The following FASN variants were observed in gnomAD, a reference collection of about 807,000 sequenced individuals.
FASN encodes the protein 3-hydroxyacyl-[acyl-carrier-protein] dehydratase.
Under a neutral mutation model 250.0 loss-of-function variants are expected in FASN, and 50 were observed. That is an observed-to-expected ratio of 0.20 (90% confidence interval 0.16 to 0.25). The LOEUF is 0.25. Among genes scored for constraint, FASN ranks in the 10% least tolerant of loss-of-function variants. The pLI is 1.00. For missense variants in FASN, 3,031 were observed against 3,498.5 expected (o/e 0.87, Z 3.37); for synonymous variants, 1,909 against 1,584.0 (o/e 1.21, Z -4.87).
intron 21 of FASN, among the ~76,000 whole-genome samples, chr17:82,086,832 T>C (rs979150743): frequency 6.7e-6 from 1 of 148,496 alleles, no homozygotes; most frequent in African/African-American, 2.5e-5. Context: ...TGCCCCCAAG[T>C]ACCCTTTCAA....
chr17:82,082,029 C>A lies in FASN; in HGVS notation c.6143G>T (p.Arg2048Leu). 6.2e-7 allele frequency: 1 copy of A among 1,609,598 alleles called. No homozygotes were observed. Reference sequence around the variant, plus strand: ...CCCACCTGGGAGGCCTTCGTGCCGGCGTTTCTCACAGATACGCTCCATGGC... The same window carrying A: ...CCCACCTGGGAGGCCTTCGTGCCGGAGTTTCTCACAGATACGCTCCATGGC... ...NSAMERICEK[R>L]RHEGLPGLAV... is the part of the protein sequence containing the mutation. Residue 2048 changes from arginine to leucine, a missense_variant, in exon 36 of 43, where the codon CGC becomes CTC. Transcript: ENST00000306749.
intron 33 of FASN, 48 bp downstream of exon 33, chr17:82,082,866 G>A: frequency 3.7e-6 from 6 of 1,604,164 alleles, no homozygotes; most frequent in South Asian, 1.1e-5. Context: ...CAGGGGCCCG[G>A]GGCTGTGCCT....
At position 82,081,721 on chromosome 17, in the gene FASN, C is replaced by T. The variant is rs1274886343; in HGVS notation, c.6286G>A (p.Asp2096Asn). The change falls in exon 37 of 43, where the codon GAC becomes AAC. Residue 2096 changes from aspartate (D) to asparagine (N), a missense_variant. Physicochemically the swap from Asp to Asn is conservative, Grantham distance 23. Coordinates refer to ENST00000306749, the MANE Select transcript of FASN (RefSeq NM_004104.5). ...QRMASCLEVL[D>N]LFLNQPHMVL... is the part of the protein sequence containing the mutation. ...ATGTGGGGCTGGTTCAGGAAGAGGT[C>T]CAGCACCTCCAGGCAGGACGCCATG... 2 of 1,612,722 alleles carry T rather than the reference C, an allele frequency of 1.2e-6. No homozygotes were observed. Among genetic ancestry groups the T allele is most frequent in the Non-Finnish European group, 1.7e-6 (2 of 1,180,006 alleles).
rs774722489 is a variant in FASN at position 82,085,128 on chromosome 17, C to A, written c.4316G>T (p.Arg1439Leu). 6.2e-7 allele frequency: 1 copy of A among 1,611,254 alleles called. No individual in the cohort carries two copies. Among genetic ancestry groups the A allele is most frequent in the Non-Finnish European group, 8.5e-7 (1 of 1,179,132 alleles). Residue 1439 changes from arginine (R) to leucine (L), a missense_variant, in exon 25 of 43, where the codon CGG becomes CTG. Arg to Leu is a moderately radical substitution (Grantham distance 102). Transcript: ENST00000306749. ...GTTGATGGCCTTCAGCCACACAGGC[C>A]GGGAAGAGTCTTCGTCAGCCAGGAT... is the stretch of plus-strand genomic sequence containing the variant. ...KGILADEDSS[R>L]PVWLKAINCA...
At chr17:82,097,930 C>T (rs2034332065) in intron 1 of FASN, among the ~76,000 whole-genome samples, 191 bp downstream of exon 1, 1 of 152,076 alleles carries the variant, frequency 6.6e-6, no homozygotes, top group Admixed American at 6.6e-5. Context: ...CCACCTACTC[C>T]GCGGGGCCCC....
chr17:82,088,428 T>C lies in FASN; in HGVS notation c.2555A>G (p.Asn852Ser), dbSNP rs540009159. Residue 852 changes from asparagine (N) to serine (S), a missense_variant, in exon 16 of 43, where the codon AAC (asparagine) becomes AGC (serine). Physicochemically the swap from Asn to Ser is conservative, Grantham distance 46 (BLOSUM62 1). Coordinates refer to ENST00000306749, the MANE Select transcript of FASN (RefSeq NM_004104.5). ...WDVPAAEDFP[N>S]GSGSPSAAIY... ...GGCGGCTGAGGGGGAACCTGAACCGTTGGGGAAGTCCTCGGCGGCCGGCAC... is the reference window on the plus strand; with the variant it reads ...GGCGGCTGAGGGGGAACCTGAACCGCTGGGGAAGTCCTCGGCGGCCGGCAC... The C allele has an allele frequency of 2.3e-5, 37 of 1,611,834 alleles. No homozygotes were observed. Among genetic ancestry groups the C allele is most frequent in the African/African-American group, 1.3e-4 (10 of 74,958 alleles).
intron 21 of FASN, 64 bp downstream of exon 21, chr17:82,086,986 G>T: frequency 1.9e-6 from 3 of 1,574,170 alleles, no homozygotes; most frequent in Non-Finnish European, 2.6e-6. Flanking sequence ...TGGGGTCAAC[G>T]TGAGGGGAGG....
chr17:82,083,796 C>T lies in FASN; in HGVS notation c.5194G>A (p.Val1732Met). 1.9e-6 allele frequency: 3 copies of T among 1,611,170 alleles called. No homozygotes were observed. Among genetic ancestry groups the T allele is most frequent in the South Asian group, 1.1e-5 (1 of 90,400 alleles). The stretch of plus-strand genomic sequence containing the variant: ...CCCTTCCCGCCCGTGTGCCACAGCA[C>T]ATGCTGCTCGAAGGATGTGTCCCGG... ...NSRDTSFEQH[V>M]LWHTGGKGVD... Residue 1732 changes from valine to methionine, a missense_variant, in exon 30 of 43, where the codon GTG becomes ATG. Val to Met is a conservative substitution (Grantham distance 21). Coordinates refer to ENST00000306749, the MANE Select transcript of FASN (RefSeq NM_004104.5).
At chr17:82,087,287 T>G in intron 20 of FASN, 34 bp from the exon 21 acceptor site, 1 of 1,592,056 alleles carries the variant, frequency 6.3e-7, no homozygotes, top group Non-Finnish European at 8.5e-7. Context: ...GCGGCATACT[T>G]GGGTGGGGGC....
Position 82,084,908 on chromosome 17 carries a change from C to G in FASN, c.4455G>C (p.Glu1485Asp), listed in dbSNP as rs181585755. The G allele has an allele frequency of 6.4e-7, 1 of 1,552,078 alleles. No homozygotes were observed. The highest frequency in any genetic ancestry group is 2.0e-5 in the Admixed American group (1 of 51,152). The change falls in exon 26 of 43, where the codon GAG (glutamate) becomes GAC (aspartate). Residue 1485 changes from glutamate to aspartate, a missense_variant. Transcript: ENST00000306749. ...SNLSSTSHVP[E>D]VDPGSAELQK... ...GCAGTTCTGCGGAGCCCGGGTCCAC[C>G]TCCGGGACGTGGGAGGTGCTGCTGA...
rs761689386 is a variant in FASN, at chr17:82,093,722, G to A, written c.330C>T (p.Gly110=). 15 of 1,612,586 alleles carry A rather than the reference G, an allele frequency of 9.3e-6. No homozygotes were observed. The highest frequency in any genetic ancestry group is 4.5e-5 in the East Asian group (2 of 44,886). The change falls in exon 4 of 43, where the codon GGC becomes GGT. Residue 110 remains glycine, a synonymous_variant. Transcript: ENST00000306749. ...LRGTHTGVWV[G]VSGSETSEAL... is the part of the protein sequence containing the mutation. ...CCTCCGAGGTCTCAGAGCCGCTCACGCCCACCCAGACGCCAGTGTGTGTTC... is the reference window on the plus strand; with the variant it reads ...CCTCCGAGGTCTCAGAGCCGCTCACACCCACCCAGACGCCAGTGTGTGTTC...
At chr17:82,085,431 C>T (rs745923765) in intron 23 of FASN, 29 bp from the exon 24 acceptor site, 51 of 1,602,156 alleles carry the variant, frequency 3.2e-5, no homozygotes, top group Middle Eastern at 1.8e-4. Context: ...GCACCCTGCC[C>T]GCCTGGCCCT....
chr17:82,084,474 C>T (rs758967966), intron 27 of FASN, 39 bp downstream of exon 27: 1 of 1,589,084 alleles, frequency 6.3e-7, no homozygotes, highest in Admixed American at 1.8e-5. Context: ...TCTCTGCTCC[C>T]CGGCCCAGTC....
Position 82,082,655 on chromosome 17 carries a change from G to A in FASN, c.5791C>T (p.Arg1931Trp), listed in dbSNP as rs778266290. ...ACCTGTACGCCCTGGCGCCTCCACCGGCGGACCTGCTTGGCCTGGTAGCCT... is the reference window on the plus strand; with the variant it reads ...ACCTGTACGCCCTGGCGCCTCCACCAGCGGACCTGCTTGGCCTGGTAGCCT... ...RTGYQAKQVRRWRRQGVQVQV... is the reference protein window; with the variant it reads ...RTGYQAKQVRWWRRQGVQVQV... The change falls in exon 34 of 43, where the codon CGG becomes TGG. Residue 1931 changes from arginine to tryptophan, a missense_variant. Transcript: ENST00000306749. 33 of 1,609,962 alleles carry A rather than the reference G, an allele frequency of 2.0e-5. No individual in the cohort carries two copies. The highest frequency in any genetic ancestry group is 5.0e-5 in the Admixed American group (3 of 59,998).
intron 1 of FASN, 22 bp from the exon 2 acceptor site, chr17:82,096,474 T>C (rs1166254233): frequency 6.2e-7 from 1 of 1,608,582 alleles, no homozygotes; most frequent in Middle Eastern, 1.6e-4. Context: ...GCGGTGTGAG[T>C]GCCCCACACA....
At chr17:82,095,081 G>A (rs1475627544) in intron 3 of FASN, among the ~76,000 whole-genome samples, 3 of 152,190 alleles carry the variant, frequency 2.0e-5, no homozygotes, top group Admixed American at 6.5e-5. Context: ...CATCAGAAGC[G>A]AGGAGACTGG....
At chr17:82,094,919 A>C (rs977746295) in intron 3 of FASN, among the ~76,000 whole-genome samples, 1 of 39,016 alleles carries the variant, frequency 2.6e-5, no homozygotes. Context: ...GACGTGGGCA[A>C]GGGTAGTGGG....
intron 37 of FASN, 21 bp from the exon 38 acceptor site, chr17:82,081,373 C>T (rs200278485): frequency 1.2e-5 from 18 of 1,558,954 alleles, no homozygotes; most frequent in East Asian, 4.8e-5. Flanking sequence ...TGCGCCGGGT[C>T]GGCAACTCCA....
In FASN at chr17:82,081,165, G is replaced by A. The variant is rs772045989; in HGVS notation, c.6594C>T (p.Ser2198=). 1.7e-5 allele frequency: 27 copies of A among 1,579,800 alleles called. No individual in the cohort carries two copies. Among genetic ancestry groups the A allele is most frequent in the South Asian group, 8.1e-5 (7 of 86,802 alleles). Residue 2198 remains serine (S), a splice_region_variant and synonymous_variant, in exon 38 of 43, where the codon AGC becomes AGT. Coordinates refer to ENST00000306749, the MANE Select transcript of FASN (RefSeq NM_004104.5). ...TCCCGCCTGGCCACCCACACGCACC[G>A]CTGGCCTCATCCGCCTTTGAGGACA... is the stretch of plus-strand genomic sequence containing the variant. ...QELSSKADEA[S]ELACPTPKED...
Sources: allele counts gnomAD v4.1 joint callset (sites outside exome capture counted in the v4.1 genomes callset), GRCh38; gene constraint gnomAD v4.1.1; transcripts MANE v1.5; gene names NCBI Gene and HGNC (gene_info 2026-07-23, HGNC 2026-07-21).